GNL3L: variants seen among roughly 807,000 people sequenced by gnomAD.
The protein encoded by GNL3L is G protein nucleolar 3 like, also known as guanine nucleotide-binding protein-like 3-like protein.
In GNL3L, 4 loss-of-function variants were observed where a neutral mutation model predicts 42.9. That is an observed-to-expected ratio of 0.09 (90% CI 0.05 to 0.21). GNL3L has a LOEUF of 0.21. Ranked by LOEUF, GNL3L falls within the 10% of genes least tolerant of loss-of-function variation. The pLI, the probability that GNL3L is intolerant of heterozygous loss-of-function variation, is 1.00. For synonymous variants in GNL3L, 159 were observed against 176.3 expected, an observed-to-expected ratio of 0.90 and a Z score of 0.78; for missense variants, 412 against 481.7, an observed-to-expected ratio of 0.86 and a Z score of 1.36.
At chrX:54,619,733 G>T (rs940422260) in intron 16 of GNL3L, among the ~76,000 whole-genome samples, 6 of 111,046 alleles carry the variant, frequency 5.4e-5, no homozygotes, top group African/African-American at 2.0e-4. Flanking sequence ...GATGGAGTTA[G>T]GTGGGAAACA....
intron 9 of GNL3L, among the ~76,000 whole-genome samples, chrX:54,549,548 AATTAG>A (rs1924870532): frequency 8.9e-6 from 1 of 111,850 alleles, no homozygotes; most frequent in Non-Finnish European, 1.9e-5. Flanking sequence ...AAAATACAAA[AATTAG>A]ATGTGTGTGG....
chrX:54,615,830 G>A (rs1392121664), intron 16 of GNL3L, among the ~76,000 whole-genome samples: 6 of 110,415 alleles, frequency 5.4e-5, no homozygotes, highest in African/African-American at 1.3e-4. Flanking sequence ...TCAGCCTCCC[G>A]AGTAGCTGGG....
intron 16 of GNL3L, among the ~76,000 whole-genome samples, chrX:54,572,696 C>A (rs1307452269): frequency 4.5e-5 from 5 of 110,416 alleles, no homozygotes; most frequent in Non-Finnish European, 7.6e-5. Context: ...ACCCCCCCCA[C>A]CTCCCTCCCG....
intron 16 of GNL3L, among the ~76,000 whole-genome samples, chrX:54,606,881 T>A (rs768514333): frequency 1.0e-4 from 11 of 109,990 alleles, no homozygotes; most frequent in Non-Finnish European, 1.7e-4. Context: ...CCTTAAGTGA[T>A]CCTCTGACCT....
At chrX:54,541,045 A>C (rs1433309639) in intron 4 of GNL3L, among the ~76,000 whole-genome samples, 1 of 111,402 alleles carries the variant, frequency 9.0e-6, no homozygotes, top group African/African-American at 3.3e-5. Flanking sequence ...CCTAGGATAC[A>C]TTCTCTCTCT....
downstream of GNL3L, among the ~76,000 whole-genome samples, chrX:54,568,574 C>T (rs1319432639): frequency 2.3e-4 from 24 of 103,060 alleles, no homozygotes; most frequent in Non-Finnish European, 4.1e-4. Context: ...TTTTTTGAGA[C>T]GGAGTCTCAC....
chrX:54,600,962 GATGA>G (rs1255717696), intron 16 of GNL3L, among the ~76,000 whole-genome samples: 3 of 112,258 alleles, frequency 2.7e-5, no homozygotes, highest in Admixed American at 9.4e-5. Flanking sequence ...TCTGTCAACT[GATGA>G]ATGGACAAAC....
At chrX:54,637,988 A>G in the GNL3L span, among the ~76,000 whole-genome samples, 1 of 111,614 alleles carries the variant, frequency 9.0e-6, no homozygotes, top group African/African-American at 3.3e-5. Context: ...ACTTTTGCAT[A>G]TGTTAAAAAT....
rs1925304528 is a variant in GNL3L, at chrX:54,562,654, A to G, written c.*2052A>G. On this transcript the variant is annotated 3_prime_UTR_variant, in exon 16 of 16. Coordinates refer to ENST00000360845, the MANE Select transcript of GNL3L (RefSeq NM_001184819.2). ...AGTAATCTCAGAATGTTGGCCGAGC[A>G]TGGTGGCTCACACCTGTAATCCCAG... Among the ~76,000 whole-genome samples the G allele has an allele frequency of 9.0e-6, 1 of 111,018 alleles. No homozygotes were observed. The highest frequency in any genetic ancestry group is 9.7e-5 in the Admixed American group (1 of 10,352).
At chrX:54,607,044 CTT>C (rs768390147) in intron 16 of GNL3L, among the ~76,000 whole-genome samples, 122 of 64,769 alleles carry the variant, frequency 1.9e-3, no homozygotes, top group African/African-American at 6.8e-3. Flanking sequence ...TTCTTTCTTT[CTT>C]TCTTTCTTTC....
rs1215971494 is a variant in GNL3L at position 54,566,059 on chromosome X, G to GA, written c.*5458dup. On this transcript the variant is annotated 3_prime_UTR_variant, in exon 16 of 16. Coordinates refer to ENST00000360845, the MANE Select transcript of GNL3L (RefSeq NM_001184819.2). ...TGGTCTTGAACTCTGGACCTCAAGT[G>GA]ATACACCCGTCTTAGCCTCCCAAAG... Among the ~76,000 whole-genome samples the GA allele has an allele frequency of 1.8e-5, 2 of 110,746 alleles. No individual in the cohort carries two copies. Among genetic ancestry groups the GA allele is most frequent in the African/African-American group, 6.6e-5 (2 of 30,424 alleles).
At chrX:54,589,619 TTTTC>T (rs1054798607) in intron 16 of GNL3L, among the ~76,000 whole-genome samples, 2 of 111,958 alleles carry the variant, frequency 1.8e-5, no homozygotes, top group African/African-American at 6.5e-5. Flanking sequence ...GTGTACCACA[TTTTC>T]TTTATCCATT....
intron 16 of GNL3L, among the ~76,000 whole-genome samples, chrX:54,574,148 C>G (rs1925601444): frequency 9.0e-6 from 1 of 111,555 alleles, no homozygotes; most frequent in Non-Finnish European, 1.9e-5. Flanking sequence ...TTTCTCAACT[C>G]ACTATACTGA....
At position 54,561,074 on chromosome X, in the gene GNL3L, A is replaced by G. The variant is rs1925255871; in HGVS notation, c.*472A>G. 3 of 81,330 alleles carry G rather than the reference A, an allele frequency of 3.7e-5. No homozygotes were observed. Among genetic ancestry groups the G allele is most frequent in the African/African-American group, 2.1e-4 (3 of 14,058 alleles). The allele number at this position is 81,330 out of a possible 1,213,427, so 6.7% of individuals were successfully genotyped here. ...GCAACAACACGAAACTCCGTCCCAAAAAAAAAAAAAAAAAAAAAATCCCAA... is the reference window on the plus strand; with the variant it reads ...GCAACAACACGAAACTCCGTCCCAAGAAAAAAAAAAAAAAAAAAATCCCAA... On this transcript the variant is annotated 3_prime_UTR_variant, in exon 16 of 16. Coordinates refer to ENST00000360845, the MANE Select transcript of GNL3L (RefSeq NM_001184819.2).
chrX:54,530,621 A>G (rs1924215505), intron 1 of GNL3L, among the ~76,000 whole-genome samples: 1 of 111,983 alleles, frequency 8.9e-6, no homozygotes, highest in South Asian at 3.7e-4. Context: ...TGAAGCGTTG[A>G]TCGTCCTCAA....
At chrX:54,579,409 T>C (rs1372402333) in intron 16 of GNL3L, among the ~76,000 whole-genome samples, 1 of 112,019 alleles carries the variant, frequency 8.9e-6, no homozygotes, top group African/African-American at 3.2e-5. Flanking sequence ...ATTAATTTAG[T>C]TTAAGTTTTT....
At chrX:54,637,694 T>C in the GNL3L span, among the ~76,000 whole-genome samples, 1 of 112,635 alleles carries the variant, frequency 8.9e-6, no homozygotes, top group African/African-American at 3.2e-5. Flanking sequence ...GCAAAAGATA[T>C]GTATAAATCA....
At chrX:54,541,046 TTC>T (rs905628481) in intron 4 of GNL3L, among the ~76,000 whole-genome samples, 5 of 111,809 alleles carry the variant, frequency 4.5e-5, no homozygotes, top group Non-Finnish European at 9.4e-5. Context: ...CTAGGATACA[TTC>T]TCTCTCTGCT....
At chrX:54,543,461 A>G in intron 7 of GNL3L, 119 bp downstream of exon 7, 1 of 764,058 alleles carries the variant, frequency 1.3e-6, no homozygotes, top group Non-Finnish European at 1.9e-6. Flanking sequence ...CATGCAAAGT[A>G]GAAATTTTTG....
Sources: gnomAD v4.1 joint callset for allele counts (sites outside exome capture counted in the v4.1 genomes callset) on GRCh38, gnomAD v4.1.1 for gene constraint, MANE v1.5 for transcripts, NCBI Gene and HGNC (gene_info 2026-07-23, HGNC 2026-07-21) for gene names.